The following ADAM12 variants were observed in gnomAD, a reference collection of about 807,000 sequenced individuals.
ADAM12 encodes ADAM metallopeptidase domain 12.
In ADAM12, 70 loss-of-function variants were observed where a neutral mutation model predicts 106.4. The observed-to-expected ratio is 0.66, with a 90% confidence interval of 0.54 to 0.80. ADAM12 has a LOEUF of 0.80. ADAM12 is among the 30% of genes least tolerant of loss of function. The pLI, the probability that ADAM12 is intolerant of heterozygous loss-of-function variation, is 0.00. For missense variants in ADAM12, 1,010 were observed against 1,171.9 expected (o/e 0.86, Z 2.02); for synonymous variants, 420 against 433.5 (o/e 0.97, Z 0.39).
chr10:126,361,679 G>A (rs1590825653), intron 1 of ADAM12, among the ~76,000 whole-genome samples: 1 of 152,234 alleles, frequency 6.6e-6, no homozygotes, highest in East Asian at 1.9e-4. Flanking sequence ...AAGGATACAT[G>A]ATAGAAAAAG....
chr10:126,233,643 C>G (rs1270308889), intron 3 of ADAM12, among the ~76,000 whole-genome samples: 2 of 152,100 alleles, frequency 1.3e-5, no homozygotes, highest in African/African-American at 4.8e-5. Context: ...GCCTGGCTCT[C>G]CATAAGCCTC....
rs148073548 is a variant in ADAM12 at position 126,058,227 on chromosome 10, C to T, written c.1609+6579G>A. Among the ~76,000 whole-genome samples the T allele has an allele frequency of 1.2e-4, 19 of 152,362 alleles. 1 individual carries two copies. The highest frequency in any genetic ancestry group is 2.2e-4 in the Non-Finnish European group (15 of 68,034). ...TCCTGAGAGGCCCCAGGGCTCCTAC[C>T]TGTGGGCAGGGATGCTGCCTCGGGC... On this transcript the variant is annotated intron_variant, in intron 14 of 22. Transcript: ENST00000448723.
intron 18 of ADAM12, chr10:126,042,098 A>G (rs764474155): frequency 2.5e-6 from 4 of 1,609,692 alleles, no homozygotes; most frequent in South Asian, 1.1e-5. Flanking sequence ...CCTCTGCAGC[A>G]GCACTGGTCA....
At chr10:126,086,894 T>C (rs769927753) in intron 11 of ADAM12, among the ~76,000 whole-genome samples, 35 of 146,834 alleles carry the variant, frequency 2.4e-4, no homozygotes, top group Non-Finnish European at 4.4e-4. Flanking sequence ...TTAGCTGGGT[T>C]TGGTAGTGTG....
At chr10:126,038,841 G>A (rs528308228) in intron 19 of ADAM12, among the ~76,000 whole-genome samples, 1 of 149,326 alleles carries the variant, frequency 6.7e-6, no homozygotes, top group African/African-American at 2.5e-5. Context: ...TTTAAAACAA[G>A]AAACCCCCCA....
intron 2 of ADAM12, among the ~76,000 whole-genome samples, chr10:126,323,283 G>A (rs1353534462): frequency 2.0e-5 from 3 of 152,104 alleles, no homozygotes; most frequent in Admixed American, 1.3e-4. Flanking sequence ...GCAATTACTC[G>A]AATAATCCCT....
At chr10:126,041,993 C>T in intron 18 of ADAM12, 7 of 1,437,606 alleles carry the variant, frequency 4.9e-6, no homozygotes, top group Non-Finnish European at 6.4e-6. Flanking sequence ...CCTCCTGAGC[C>T]CCGAGAACTG....
intron 3 of ADAM12, among the ~76,000 whole-genome samples, chr10:126,243,489 A>ATGTGTGTGTGTGTGTGTGTGTGTGTGTG (rs57227903): frequency 6.8e-6 from 1 of 146,842 alleles, no homozygotes; most frequent in Non-Finnish European, 1.5e-5. Context: ...GTGTGAGTGT[A>ATGTGTGTGTGTGTGTGTGTGTGTGTGTG]TGTGTGTGTG....
intron 2 of ADAM12, among the ~76,000 whole-genome samples, chr10:126,312,639 C>T (rs911061606): frequency 2.0e-5 from 3 of 152,018 alleles, no homozygotes; most frequent in Non-Finnish European, 2.9e-5. Context: ...TCTCTGAATT[C>T]GTTGTAATTA....
At chr10:126,018,603 C>T (rs1953702114) in intron 22 of ADAM12, among the ~76,000 whole-genome samples, 1 of 152,158 alleles carries the variant, frequency 6.6e-6, no homozygotes, top group African/African-American at 2.4e-5. Flanking sequence ...TATAAAATAT[C>T]ATAAATTTGT....
chr10:126,174,074 C>T (rs1418260042), intron 3 of ADAM12, among the ~76,000 whole-genome samples: 6 of 116,916 alleles, frequency 5.1e-5, no homozygotes, highest in African/African-American at 1.7e-4. Flanking sequence ...CTGGAGTGAT[C>T]TTGGCTCACT....
chr10:126,218,742 C>T (rs1488457379), intron 3 of ADAM12, among the ~76,000 whole-genome samples: 7 of 152,174 alleles, frequency 4.6e-5, no homozygotes, highest in Non-Finnish European at 1.0e-4. Context: ...CAAAAGTGAA[C>T]CCCAGAAACA....
intron 1 of ADAM12, among the ~76,000 whole-genome samples, chr10:126,354,048 T>A (rs75486289): frequency 6.6e-6 from 1 of 150,602 alleles, no homozygotes; most frequent in Non-Finnish European, 1.5e-5. Flanking sequence ...TTTTTTTTTT[T>A]AAAGAAAAAG....
At chr10:126,381,947 C>T (rs1856506946) in intron 1 of ADAM12, among the ~76,000 whole-genome samples, 2 of 149,800 alleles carry the variant, frequency 1.3e-5, no homozygotes, top group South Asian at 4.3e-4. Flanking sequence ...TGTACATCAG[C>T]CTGGGTGACA....
chr10:126,256,163 C>T (rs757796575), intron 3 of ADAM12, among the ~76,000 whole-genome samples: 1 of 152,106 alleles, frequency 6.6e-6, no homozygotes, highest in Non-Finnish European at 1.5e-5. Context: ...TTGGTTTTTG[C>T]TCCAGGTGAT....
chr10:126,034,770 T>C lies in ADAM12; in HGVS notation c.2529+1376A>G, dbSNP rs181934015. On this transcript the variant is annotated intron_variant, in intron 21 of 22. Transcript: ENST00000448723. ...TAACCATTTCTGTTTGCTGCAATCA[T>C]GAATGATGTTTCCTATTGTGAAATA... Among the ~76,000 whole-genome samples the C allele has an allele frequency of 1.6e-3, 251 of 152,260 alleles. 1 individual carries two copies. Among genetic ancestry groups the C allele is most frequent in the African/African-American group, 5.9e-3 (244 of 41,572 alleles).
At chr10:126,172,961 C>T (rs1474329903) in intron 3 of ADAM12, among the ~76,000 whole-genome samples, 2 of 152,190 alleles carry the variant, frequency 1.3e-5, no homozygotes, top group African/African-American at 4.8e-5. Flanking sequence ...TTTGTGGGGA[C>T]ATGGATGAAG....
rs73374595 is a variant in ADAM12 at position 126,060,975 on chromosome 10, A to G, written c.1609+3831T>C. On this transcript the variant is annotated intron_variant, in intron 14 of 22. Coordinates refer to ENST00000448723, the MANE Select transcript of ADAM12 (RefSeq NM_001288973.2). The stretch of plus-strand genomic sequence containing the variant: ...GCCCAAGCTCTACACACACAGAACT[A>G]CCTGCACTTGCCCTGGTTGGCCCCA... 7.6e-3 allele frequency among the ~76,000 whole-genome samples: 1,165 copies of G among 152,336 alleles called. 17 individuals carry two copies. Among genetic ancestry groups the G allele is most frequent in the African/African-American group, 0.026 (1,089 of 41,580 alleles).
intron 3 of ADAM12, among the ~76,000 whole-genome samples, chr10:126,215,009 C>T (rs1198443153): frequency 6.6e-6 from 1 of 152,186 alleles, no homozygotes; most frequent in African/African-American, 2.4e-5. Context: ...TCTCTGACAC[C>T]CATTTTCCCA....
Sources: gnomAD v4.1 joint callset for allele counts (sites outside exome capture counted in the v4.1 genomes callset) on GRCh38, gnomAD v4.1.1 for gene constraint, MANE v1.5 for transcripts, NCBI Gene and HGNC (gene_info 2026-07-23, HGNC 2026-07-21) for gene names.